The following RNF220 variants were observed in gnomAD, a reference collection of about 807,000 sequenced individuals.
RNF220 encodes the protein ring finger protein 220.
Under a neutral mutation model 67.1 loss-of-function variants are expected in RNF220, and 7 were observed. That is an observed-to-expected ratio of 0.10 (90% CI 0.06 to 0.20). The LOEUF (loss-of-function observed/expected upper bound fraction) is 0.20, where lower values mean the gene tolerates loss of function less well. Among genes scored for constraint, RNF220 ranks in the 10% least tolerant of loss-of-function variants. RNF220 has a pLI of 1.00. For missense variants in RNF220, 565 were observed against 740.3 expected (o/e 0.76, Z 2.75); for synonymous variants, 270 against 283.2 (o/e 0.95, Z 0.47).
intron 2 of RNF220, among the ~76,000 whole-genome samples, chr1:44,579,531 T>A (rs1409451955): frequency 6.6e-6 from 1 of 152,238 alleles, no homozygotes; most frequent in Non-Finnish European, 1.5e-5. Flanking sequence ...CATGTGAGCC[T>A]GTTTGTCTAA....
chr1:44,539,464 A>G (rs1416594058), intron 2 of RNF220, among the ~76,000 whole-genome samples: 1 of 152,150 alleles, frequency 6.6e-6, no homozygotes, highest in Non-Finnish European at 1.5e-5. Flanking sequence ...CGTGCCATGC[A>G]CCATATGAGA....
chr1:44,595,924 C>T (rs12079103), intron 2 of RNF220, among the ~76,000 whole-genome samples: 50,148 of 151,350 alleles, frequency 0.33, 8,428 homozygotes, highest in Non-Finnish European at 0.35. Flanking sequence ...CCACCACGCC[C>T]GGCTAATTTT....
intron 1 of RNF220, among the ~76,000 whole-genome samples, chr1:44,411,739 C>T (rs905225056): frequency 2.0e-5 from 3 of 152,172 alleles, no homozygotes; most frequent in Non-Finnish European, 4.4e-5. Flanking sequence ...GGCTCAGGCG[C>T]ATTTCACCCA....
chr1:44,611,205 C>T (rs1189996244), intron 2 of RNF220, among the ~76,000 whole-genome samples: 1 of 152,236 alleles, frequency 6.6e-6, no homozygotes, highest in African/African-American at 2.4e-5. Flanking sequence ...GCTGCAGAGT[C>T]CCTTTGCTGA....
intron 2 of RNF220, among the ~76,000 whole-genome samples, chr1:44,540,270 C>A (rs1408807795): frequency 6.6e-6 from 1 of 152,052 alleles, no homozygotes; most frequent in Non-Finnish European, 1.5e-5. Context: ...ACGGCTGCTG[C>A]CCAAAGGAGA....
intron 2 of RNF220, among the ~76,000 whole-genome samples, chr1:44,589,622 A>G (rs1271113693): frequency 6.6e-6 from 1 of 151,556 alleles, no homozygotes; most frequent in African/African-American, 2.4e-5. Flanking sequence ...TCAAAAAAAA[A>G]AAAAAAAAGG....
intron 2 of RNF220, among the ~76,000 whole-genome samples, chr1:44,559,880 C>T (rs1663427378): frequency 6.6e-6 from 1 of 152,240 alleles, no homozygotes; most frequent in Non-Finnish European, 1.5e-5. Flanking sequence ...TTTGCCCACT[C>T]TGAAGGCAAG....
chr1:44,495,129 C>A (rs971518999), intron 2 of RNF220, among the ~76,000 whole-genome samples: 2 of 152,096 alleles, frequency 1.3e-5, no homozygotes, highest in Non-Finnish European at 2.9e-5. Context: ...GGGAGGATCA[C>A]TTGAGGCTGG....
chr1:44,483,427 G>T (rs1208049602), intron 2 of RNF220, among the ~76,000 whole-genome samples: 2 of 152,162 alleles, frequency 1.3e-5, no homozygotes, highest in Non-Finnish European at 2.9e-5. Context: ...TCTCAACAAT[G>T]GAGTCAGGAA....
rs72671927 is a variant in RNF220, at chr1:44,606,228, G to A, written c.626-7937G>A. On this transcript the variant is annotated intron_variant, in intron 2 of 14. Transcript: ENST00000361799. The surrounding 1 kb of genome is among the most constrained non-coding windows in gnomAD (Gnocchi z 4.2). ...CGGAGACTGGGGAATGCCAATATACGATGACAGATCACATATTGATGAAAT... is the reference window on the plus strand; with the variant it reads ...CGGAGACTGGGGAATGCCAATATACAATGACAGATCACATATTGATGAAAT... Among the ~76,000 whole-genome samples the A allele has an allele frequency of 4.4e-3, 664 of 152,312 alleles. 2 individuals carry two copies. The highest frequency in any genetic ancestry group is 7.2e-3 in the Non-Finnish European group (487 of 68,034).
At chr1:44,491,172 C>A (rs1656821009) in intron 2 of RNF220, among the ~76,000 whole-genome samples, 1 of 152,104 alleles carries the variant, frequency 6.6e-6, no homozygotes, top group African/African-American at 2.4e-5. Flanking sequence ...ACAATTAATA[C>A]CAGTTCTTCA....
At chr1:44,411,812 G>A (rs561465816) in intron 1 of RNF220, among the ~76,000 whole-genome samples, 169 bp from the exon 2 acceptor site, 5 of 152,180 alleles carry the variant, frequency 3.3e-5, no homozygotes, top group Admixed American at 1.3e-4. Flanking sequence ...TGATTTTCCT[G>A]AATGAAAATG....
chr1:44,587,164 T>TC (rs1359911246), intron 2 of RNF220, among the ~76,000 whole-genome samples: 2 of 149,894 alleles, frequency 1.3e-5, no homozygotes, highest in African/African-American at 4.9e-5. Flanking sequence ...TTTTTTTTTT[T>TC]TGAGACGGAG....
intron 2 of RNF220, among the ~76,000 whole-genome samples, chr1:44,558,166 T>C (rs552368136): frequency 8.5e-5 from 13 of 152,228 alleles, no homozygotes; most frequent in Non-Finnish European, 1.8e-4. Context: ...TTTGATGTGT[T>C]CATCACAAAA....
intron 2 of RNF220, among the ~76,000 whole-genome samples, chr1:44,461,122 A>G (rs1247433292): frequency 6.6e-6 from 1 of 152,182 alleles, no homozygotes; most frequent in Non-Finnish European, 1.5e-5. Context: ...GTATCCCTAG[A>G]GTCTGGTGCC....
chr1:44,546,622 G>A (rs905481003), intron 2 of RNF220, among the ~76,000 whole-genome samples: 2 of 152,114 alleles, frequency 1.3e-5, no homozygotes, highest in Admixed American at 6.5e-5. Flanking sequence ...GGAGCCCTGC[G>A]TTACAGGATC....
intron 2 of RNF220, among the ~76,000 whole-genome samples, chr1:44,525,581 A>G (rs1558011260): frequency 6.6e-6 from 1 of 152,178 alleles, no homozygotes. Flanking sequence ...CTTCACCCTC[A>G]TACAAACATC....
intron 2 of RNF220, among the ~76,000 whole-genome samples, chr1:44,516,609 A>G (rs1659469438): frequency 6.6e-6 from 1 of 152,132 alleles, no homozygotes; most frequent in Non-Finnish European, 1.5e-5. Context: ...GGGATCGAAG[A>G]ACCACCAAGA....
At chr1:44,636,427 A>G (rs777535497) in intron 8 of RNF220, 2 of 718,884 alleles carry the variant, frequency 2.8e-6, no homozygotes, top group South Asian at 3.0e-5. Context: ...CGGGTGATGC[A>G]TTGAAGGTGA....
Sources: gnomAD v4.1 joint callset for allele counts (sites outside exome capture counted in the v4.1 genomes callset) on GRCh38, gnomAD v4.1.1 for gene constraint, Gnocchi (gnomAD v3.1) non-coding constraint, MANE v1.5 for transcripts, NCBI Gene and HGNC (gene_info 2026-07-23, HGNC 2026-07-21) for gene names.